Variants in RBPJ observed in about 807,000 individuals in gnomAD.
RBPJ encodes the protein recombining binding protein suppressor of hairless.
RBPJ carries 9 observed loss-of-function variants against 67.8 expected under a neutral mutation model. The ratio of observed to expected loss-of-function variants is 0.13; its 90% CI spans 0.08 to 0.23. The LOEUF (loss-of-function observed/expected upper bound fraction) is 0.23, where lower values mean the gene tolerates loss of function less well. RBPJ is among the 10% of genes least tolerant of loss of function. The probability of loss-of-function intolerance (pLI) is 1.00; values close to 1 mark genes in which losing one functional copy is unlikely to be tolerated. For synonymous variants in RBPJ, 198 were observed against 203.3 expected (o/e 0.97, Z 0.22); for missense variants, 305 against 595.6 (o/e 0.51, Z 5.08).
chr4:26,122,302 C>T, the RBPJ span, among the ~76,000 whole-genome samples: 1 of 152,114 alleles, frequency 6.6e-6, no homozygotes, highest in Non-Finnish European at 1.5e-5. Context: ...CCAATAATAA[C>T]AGCAAATATT....
At chr4:26,334,862 T>C (rs1463646089) in intron 1 of RBPJ, among the ~76,000 whole-genome samples, 2 of 152,246 alleles carry the variant, frequency 1.3e-5, no homozygotes, top group African/African-American at 2.4e-5. Context: ...TTCTCTTTGC[T>C]ACTTCTCTTC....
At chr4:26,390,485 A>G (rs764139375) in intron 2 of RBPJ, among the ~76,000 whole-genome samples, 1 of 152,242 alleles carries the variant, frequency 6.6e-6, no homozygotes, top group African/African-American at 2.4e-5. Context: ...GATCATATGT[A>G]TAGAAAATTC....
intron 1 of RBPJ, among the ~76,000 whole-genome samples, chr4:26,299,781 C>A (rs1304453527): frequency 6.9e-6 from 1 of 145,924 alleles, no homozygotes; most frequent in Non-Finnish European, 1.5e-5. Context: ...TGGGTTCAAG[C>A]GATTCTCCTG....
At chr4:26,217,490 T>C (rs919485767) in intron 1 of RBPJ, among the ~76,000 whole-genome samples, 1 of 152,062 alleles carries the variant, frequency 6.6e-6, no homozygotes, top group Non-Finnish European at 1.5e-5. Context: ...CTGAGCTATT[T>C]TAGCCAGGAG....
At chr4:26,304,830 CA>C (rs1359531446) in intron 1 of RBPJ, among the ~76,000 whole-genome samples, 2 of 150,108 alleles carry the variant, frequency 1.3e-5, no homozygotes, top group Non-Finnish European at 3.0e-5. Context: ...CTTTGAAGCA[CA>C]AAAGTTTTAA....
chr4:26,195,945 A>G (rs1244235968), intron 1 of RBPJ, among the ~76,000 whole-genome samples: 2 of 152,128 alleles, frequency 1.3e-5, no homozygotes, highest in Admixed American at 1.3e-4. Flanking sequence ...GTTATTTTCA[A>G]ATTGAGTGCA....
intron 1 of RBPJ, among the ~76,000 whole-genome samples, chr4:26,180,342 A>G (rs564203474): frequency 6.6e-6 from 1 of 152,204 alleles, no homozygotes; most frequent in Admixed American, 6.5e-5. Flanking sequence ...TAAAAAAAAA[A>G]AAAAGAAAGA....
At chr4:26,312,177 G>C (rs1305647877) in intron 1 of RBPJ, among the ~76,000 whole-genome samples, 1 of 151,462 alleles carries the variant, frequency 6.6e-6, no homozygotes, top group African/African-American at 2.4e-5. Flanking sequence ...TGTCACCCAG[G>C]CTGGAGTGCA....
At chr4:26,272,027 G>A (rs994283857) in intron 1 of RBPJ, among the ~76,000 whole-genome samples, 1 of 152,204 alleles carries the variant, frequency 6.6e-6, no homozygotes, top group Admixed American at 6.5e-5. Flanking sequence ...TCTTAAAAAT[G>A]TCTCCTGACT....
chr4:26,296,700 G>T (rs1018306398), intron 1 of RBPJ, among the ~76,000 whole-genome samples: 2 of 152,028 alleles, frequency 1.3e-5, no homozygotes, highest in African/African-American at 4.8e-5. Flanking sequence ...ACTTGTCATT[G>T]GTTACCTACC....
At chr4:26,261,650 C>A (rs1720542062) in intron 1 of RBPJ, among the ~76,000 whole-genome samples, 1 of 152,170 alleles carries the variant, frequency 6.6e-6, no homozygotes, top group South Asian at 2.1e-4. Context: ...TGATGCTTTT[C>A]TTGCTACAGT....
intron 1 of RBPJ, among the ~76,000 whole-genome samples, chr4:26,188,169 A>G (rs1344618956): frequency 6.6e-6 from 1 of 152,194 alleles, no homozygotes; most frequent in Non-Finnish European, 1.5e-5. Context: ...AGATGGCACC[A>G]CTGCACTCCA....
At chr4:26,183,343 C>T (rs184705208) in intron 1 of RBPJ, among the ~76,000 whole-genome samples, 3 of 152,278 alleles carry the variant, frequency 2.0e-5, no homozygotes, top group Middle Eastern at 3.4e-3. Context: ...AACTGTGATG[C>T]GGCACATGAC....
chr4:26,293,322 A>G (rs1462663769), intron 1 of RBPJ, among the ~76,000 whole-genome samples: 3 of 137,730 alleles, frequency 2.2e-5, no homozygotes, highest in Admixed American at 2.1e-4. Flanking sequence ...TTTTTTTTTT[A>G]TTTTGTTTAT....
intron 1 of RBPJ, among the ~76,000 whole-genome samples, chr4:26,356,227 C>T (rs574821012): frequency 6.6e-6 from 1 of 152,324 alleles, no homozygotes; most frequent in South Asian, 2.1e-4. Flanking sequence ...GTGTCACTGG[C>T]AGCTGTGAGT....
chr4:26,297,406 G>C (rs1721916226), intron 1 of RBPJ, among the ~76,000 whole-genome samples: 2 of 152,000 alleles, frequency 1.3e-5, no homozygotes, highest in Non-Finnish European at 1.5e-5. Flanking sequence ...GACGGTGTAT[G>C]GGGGGGATGT....
chr4:26,265,985 C>T (rs945875126), intron 1 of RBPJ, among the ~76,000 whole-genome samples: 117 of 151,966 alleles, frequency 7.7e-4, no homozygotes, highest in Non-Finnish European at 3.2e-4. Context: ...GCTTCACGAT[C>T]GCACTACTTC....
In RBPJ at chr4:26,204,329, G is replaced by A. The variant is rs999897807; in HGVS notation, c.-167+40715G>A. ...CTCAAAAAATGCTGAATCTAGCAGA[G>A]GAAGTTGTCCCCACACCAATGAAAG... On this transcript the variant is annotated intron_variant, in intron 1 of 4. Transcript: ENST00000512351. Among the ~76,000 whole-genome samples, 5 of 152,304 alleles carry A rather than the reference G, an allele frequency of 3.3e-5. No homozygotes were observed. The East Asian group carries it at 9.6e-4, about 29-fold the overall frequency.
the RBPJ span, among the ~76,000 whole-genome samples, chr4:26,145,094 A>T: frequency 6.8e-6 from 1 of 148,032 alleles, no homozygotes; most frequent in Non-Finnish European, 1.5e-5. Context: ...GTTTCATTTC[A>T]TCTTCCTGGT....
Sources: gnomAD v4.1 joint callset for allele counts (sites outside exome capture counted in the v4.1 genomes callset) on GRCh38, gnomAD v4.1.1 for gene constraint, MANE v1.5 for transcripts, NCBI Gene and HGNC (gene_info 2026-07-23, HGNC 2026-07-21) for gene names.